Variants in FER1L5 observed in about 807,000 individuals in gnomAD.
FER1L5 encodes fer-1-like protein 5.
In FER1L5, 187 loss-of-function variants were observed where a neutral mutation model predicts 279.9. The ratio of observed to expected loss-of-function variants is 0.67; its 90% CI spans 0.59 to 0.75. The LOEUF is 0.75. Among genes scored for constraint, FER1L5 ranks in the 30% least tolerant of loss-of-function variants. FER1L5 has a pLI of 0.00. For synonymous variants in FER1L5, 921 were observed against 989.7 expected (o/e 0.93, Z 1.30); for missense variants, 2,091 against 2,594.4 (o/e 0.81, Z 4.21).
At chr2:96,666,013 C>G (rs1194758916) in intron 14 of FER1L5, among the ~76,000 whole-genome samples, 1 of 152,032 alleles carries the variant, frequency 6.6e-6, no homozygotes, top group Non-Finnish European at 1.5e-5. Flanking sequence ...CCCCAGAACA[C>G]AGTCTCCAGG....
At chr2:96,678,245 C>A (rs1475767087) in intron 19 of FER1L5, among the ~76,000 whole-genome samples, 1 of 151,274 alleles carries the variant, frequency 6.6e-6, no homozygotes, top group Non-Finnish European at 1.5e-5. Flanking sequence ...TCTCTTTCCT[C>A]AGCCCCACCA....
Position 96,702,434 on chromosome 2 carries a change from C to T in FER1L5, c.5255+33C>T. 6.3e-7 allele frequency: 1 copy of T among 1,585,364 alleles called. No individual in the cohort carries two copies. Among genetic ancestry groups the T allele is most frequent in the African/African-American group, 1.3e-5 (1 of 74,332 alleles). The stretch of plus-strand genomic sequence containing the variant: ...AGAGGAGTCAGGCTCCGGCAGAGCC[C>T]CTCAGTTCCCCAGTTCTGTCATCCT... On this transcript the variant is annotated intron_variant, in intron 47 of 52. Transcript: ENST00000624922. The surrounding 1 kb of genome is among the most constrained non-coding windows in gnomAD (Gnocchi z 4.0).
chr2:96,685,365 C>A lies in FER1L5; in HGVS notation c.1831C>A (p.Pro611Thr). The change falls in exon 21 of 53, where the codon CCG (proline) becomes ACG (threonine). Residue 611 changes from proline (P) to threonine (T), a missense_variant. Coordinates refer to ENST00000624922, the MANE Select transcript of FER1L5 (RefSeq NM_001293083.2). ...NLDTLKSTRNPKDPALLYQWE... is the reference protein window; with the variant it reads ...NLDTLKSTRNTKDPALLYQWE... ...GGACACCCTGAAATCCACGCGGAAT[C>A]CGAAGGATCCAGCTCTCCTCTACCA... 1 of 1,551,354 alleles carries A rather than the reference C, an allele frequency of 6.4e-7. No individual in the cohort carries two copies. Among genetic ancestry groups the A allele is most frequent in the Non-Finnish European group, 8.7e-7 (1 of 1,146,870 alleles).
In FER1L5 at chr2:96,646,503, G is replaced by A. The variant is rs1009833682; in HGVS notation, c.138+50G>A. 9.1e-6 allele frequency: 14 copies of A among 1,537,030 alleles called. No homozygotes were observed. In the African/African-American group the frequency reaches 1.8e-4, roughly 20 times the overall value. ...GAGGAAATAACAACCCCAACAGCAA[G>A]GGGGCAAGGGTGGGGTCCAGGAAGG... On this transcript the variant is annotated intron_variant, in intron 2 of 52. Transcript: ENST00000624922.
chr2:96,674,034 C>T (rs1342771893), intron 19 of FER1L5, among the ~76,000 whole-genome samples: 3 of 152,194 alleles, frequency 2.0e-5, no homozygotes, highest in Admixed American at 6.5e-5. Context: ...AATTCACAAG[C>T]CATACAATTT....
At chr2:96,655,711 GCTT>G (rs761532404) in intron 9 of FER1L5, among the ~76,000 whole-genome samples, 12 of 152,236 alleles carry the variant, frequency 7.9e-5, no homozygotes, top group South Asian at 4.1e-4. Flanking sequence ...GTTTAACCAA[GCTT>G]CTTCTTTTTT....
chr2:96,700,228 C>T (rs2077540930), intron 44 of FER1L5, 104 bp from the exon 45 acceptor site: 2 of 1,568,920 alleles, frequency 1.3e-6, no homozygotes, highest in Admixed American at 3.6e-5. Context: ...ATCCCTTTCC[C>T]CTTCACTCCT....
chr2:96,692,162 T>C lies in FER1L5; in HGVS notation c.3273T>C (p.Asn1091=), dbSNP rs2077178999. Residue 1091 remains asparagine, a synonymous_variant, in exon 31 of 53, where the codon AAT becomes AAC. Coordinates refer to ENST00000624922, the MANE Select transcript of FER1L5 (RefSeq NM_001293083.2). ...YIYQARNLVS[N]QILTFQGPFI... is the part of the protein sequence containing the mutation. ...ACCAGGCCCGGAACCTGGTGTCCAA[T>C]CAGATCCTGACATTCCAAGGTAGGT... 1 of 1,551,408 alleles carries C rather than the reference T, an allele frequency of 6.4e-7. No homozygotes were observed. The highest frequency in any genetic ancestry group is 8.7e-7 in the Non-Finnish European group (1 of 1,146,962).
intron 18 of FER1L5, among the ~76,000 whole-genome samples, chr2:96,672,854 A>G (rs1197157071): frequency 6.6e-6 from 1 of 152,138 alleles, no homozygotes; most frequent in Non-Finnish European, 1.5e-5. Context: ...GATTTCAGGA[A>G]GGGAGGGAGC....
In FER1L5 at chr2:96,642,827, G is replaced by A. The variant is rs555681295; in HGVS notation, c.-10G>A. The A allele has an allele frequency of 4.5e-6, 7 of 1,550,246 alleles. No individual in the cohort carries two copies. The highest frequency in any genetic ancestry group is 6.1e-6 in the Non-Finnish European group (7 of 1,146,310). On this transcript the variant is annotated 5_prime_UTR_variant, in exon 1 of 53. Coordinates refer to ENST00000624922, the MANE Select transcript of FER1L5 (RefSeq NM_001293083.2). Reference sequence around the variant, plus strand: ...GCGTAGGGAAGGAGGGAAGAAAGTAGGTCTCCGAGATGCTGCGGCTTGTGG... The same window carrying A: ...GCGTAGGGAAGGAGGGAAGAAAGTAAGTCTCCGAGATGCTGCGGCTTGTGG...
At chr2:96,648,949 A>G (rs1040717551) in intron 4 of FER1L5, among the ~76,000 whole-genome samples, 3 of 150,442 alleles carry the variant, frequency 2.0e-5, no homozygotes, top group African/African-American at 7.3e-5. Context: ...CCCAATGGAC[A>G]GGAGTGGAAG....
intron 45 of FER1L5, among the ~76,000 whole-genome samples, 197 bp from the exon 46 acceptor site, chr2:96,701,758 C>T (rs995101381): frequency 2.3e-4 from 35 of 152,202 alleles, no homozygotes; most frequent in Admixed American, 9.2e-4. Flanking sequence ...AATCTCCCTG[C>T]ACTACTCTCT....
rs553730208 is a variant in FER1L5 at position 96,698,903 on chromosome 2, C to T, written c.4518+71C>T. On this transcript the variant is annotated intron_variant, in intron 41 of 52. Transcript: ENST00000624922. This position sits in a 1 kb window ranked among gnomAD's most constrained non-coding sequence, Gnocchi z 5.5. ...TCAACCCATCTCTGGGAGCCCCCTC[C>T]GACTGCTGACACACAGAATGCCAAC... The T allele has an allele frequency of 7.0e-5, 108 of 1,535,894 alleles. No individual in the cohort carries two copies. Among genetic ancestry groups the T allele is most frequent in the Middle Eastern group, 1.7e-4 (1 of 5,932 alleles).
chr2:96,681,503 A>T (rs2076722348), intron 19 of FER1L5, among the ~76,000 whole-genome samples: 1 of 152,226 alleles, frequency 6.6e-6, no homozygotes. Flanking sequence ...GTTCCAAGAA[A>T]GTGAGCAGCT....
Position 96,691,739 on chromosome 2 carries a change from G to A in FER1L5, c.3076-86G>A. On this transcript the variant is annotated intron_variant, in intron 29 of 52. Coordinates refer to ENST00000624922, the MANE Select transcript of FER1L5 (RefSeq NM_001293083.2). This position sits in a 1 kb window ranked among gnomAD's most constrained non-coding sequence, Gnocchi z 6.0. ...GTTCCTCAGGCTTGCGAGGGTGGCA[G>A]TGTGAGGGAGGAGGGTGACTGGGCC... is the stretch of plus-strand genomic sequence containing the variant. 1 of 1,551,218 alleles carries A rather than the reference G, an allele frequency of 6.4e-7. No homozygotes were observed. The highest frequency in any genetic ancestry group is 8.7e-7 in the Non-Finnish European group (1 of 1,146,814).
At chr2:96,675,272 G>A (rs1413678861) in intron 19 of FER1L5, among the ~76,000 whole-genome samples, 3 of 152,062 alleles carry the variant, frequency 2.0e-5, no homozygotes, top group Non-Finnish European at 4.4e-5. Flanking sequence ...ACAAGTGCAA[G>A]ACTTCCTCTA....
chr2:96,691,375 T>A lies in FER1L5; in HGVS notation c.2907+22T>A. 6.5e-7 allele frequency: 1 copy of A among 1,543,102 alleles called. No individual in the cohort carries two copies. The highest frequency in any genetic ancestry group is 8.8e-7 in the Non-Finnish European group (1 of 1,141,522). On this transcript the variant is annotated intron_variant, in intron 28 of 52. Transcript: ENST00000624922. The surrounding 1 kb of genome is among the most constrained non-coding windows in gnomAD (Gnocchi z 6.0). ...GCTGGTGAGGGGTCGACGGGCGCCC[T>A]GGCTGGGACTGCGGGCAGGGCCGCC...
intron 18 of FER1L5, among the ~76,000 whole-genome samples, chr2:96,672,780 T>G (rs1558877157): frequency 1.3e-5 from 2 of 151,866 alleles, no homozygotes; most frequent in Non-Finnish European, 2.9e-5. Flanking sequence ...GGAATGGGGA[T>G]GGGGTGGCCC....
intron 14 of FER1L5, among the ~76,000 whole-genome samples, chr2:96,668,361 C>CAA (rs113381426): frequency 4.3e-5 from 6 of 139,094 alleles, no homozygotes; most frequent in African/African-American, 1.6e-4. Flanking sequence ...CCTGTCTCTA[C>CAA]AAAAAAAAAA....
Sources: allele counts gnomAD v4.1 joint callset (sites outside exome capture counted in the v4.1 genomes callset), GRCh38; gene constraint gnomAD v4.1.1; non-coding constraint Gnocchi (gnomAD v3.1); transcripts MANE v1.5; gene names NCBI Gene and HGNC (gene_info 2026-07-23, HGNC 2026-07-21).